FILIP1: variants seen among roughly 807,000 people sequenced by gnomAD.
The protein encoded by FILIP1 is filamin A interacting protein 1, also known as filamin-A-interacting protein 1.
Under a neutral mutation model 102.1 loss-of-function variants are expected in FILIP1, and 61 were observed. The observed-to-expected ratio is 0.60, with a 90% confidence interval of 0.49 to 0.74. The LOEUF is 0.74. FILIP1 is among the 30% of genes least tolerant of loss of function. The pLI is 0.00. For synonymous variants in FILIP1, 491 were observed against 526.9 expected (o/e 0.93, Z 0.93); for missense variants, 1,314 against 1,441.2 (o/e 0.91, Z 1.43).
intron 4 of FILIP1, chr6:75,319,208 C>T: frequency 1.3e-6 from 1 of 757,558 alleles, no homozygotes; most frequent in Non-Finnish European, 2.4e-6. Context: ...TCTTGTTTTT[C>T]CTTCAGCTTC....
chr6:75,486,439 CT>C (rs200477130), intron 1 of FILIP1, among the ~76,000 whole-genome samples: 2,515 of 152,276 alleles, frequency 0.017, 72 homozygotes, highest in African/African-American at 0.058. Context: ...TGTTAGCCTT[CT>C]GACCCTAAAT....
intron 2 of FILIP1, among the ~76,000 whole-genome samples, chr6:75,384,067 T>G (rs1170666517): frequency 6.6e-6 from 1 of 152,188 alleles, no homozygotes; most frequent in Non-Finnish European, 1.5e-5. Flanking sequence ...GTATTTCATT[T>G]TCAATAAATT....
intron 1 of FILIP1, among the ~76,000 whole-genome samples, chr6:75,485,040 C>T (rs752001415): frequency 6.6e-6 from 1 of 151,894 alleles, no homozygotes; most frequent in Non-Finnish European, 1.5e-5. Flanking sequence ...GAAGAGAACA[C>T]AAATACTCTT....
intron 1 of FILIP1, among the ~76,000 whole-genome samples, chr6:75,426,148 A>T (rs1429503998): frequency 6.6e-6 from 1 of 152,162 alleles, no homozygotes; most frequent in East Asian, 1.9e-4. Context: ...TATGTGACAG[A>T]AATGATGAGT....
At chr6:75,377,249 A>G (rs1775778131) in intron 2 of FILIP1, among the ~76,000 whole-genome samples, 1 of 152,206 alleles carries the variant, frequency 6.6e-6, no homozygotes. Flanking sequence ...TAGACCCTTG[A>G]AAAAAGGGTC....
intron 4 of FILIP1, among the ~76,000 whole-genome samples, chr6:75,353,091 G>T (rs1310056495): frequency 6.6e-6 from 1 of 151,400 alleles, no homozygotes; most frequent in Non-Finnish European, 1.5e-5. Context: ...AGTATTAGGA[G>T]ATATACCTAA....
intron 2 of FILIP1, among the ~76,000 whole-genome samples, chr6:75,393,138 A>T (rs1023375005): frequency 3.3e-5 from 5 of 152,214 alleles, no homozygotes; most frequent in African/African-American, 1.2e-4. Context: ...AGGGAAGTAA[A>T]TAAAGAACTG....
At chr6:75,464,076 C>A (rs1430266544) in intron 1 of FILIP1, among the ~76,000 whole-genome samples, 1 of 152,184 alleles carries the variant, frequency 6.6e-6, no homozygotes, top group Admixed American at 6.5e-5. Flanking sequence ...TTGGACTGTT[C>A]CATGTCTGTC....
chr6:75,342,575 C>A (rs1774449818), intron 4 of FILIP1, among the ~76,000 whole-genome samples: 1 of 152,224 alleles, frequency 6.6e-6, no homozygotes, highest in Non-Finnish European at 1.5e-5. Flanking sequence ...GTCAGGATCT[C>A]CTGAGTTCAT....
At position 75,326,110 on chromosome 6, in the gene FILIP1, G is replaced by GAT. The variant is rs1340001673; in HGVS notation, c.630-10909_630-10908insAT. On this transcript the variant is annotated intron_variant, in intron 4 of 5. Coordinates refer to ENST00000237172, the MANE Select transcript of FILIP1 (RefSeq NM_015687.5). The stretch of plus-strand genomic sequence containing the variant: ...GATAGATAGATTAGATAGATAGATA[G>GAT]AGAGATAGATAGATATACACACACA... Among the ~76,000 whole-genome samples the GAT allele has an allele frequency of 7.4e-3, 1,113 of 151,166 alleles. 8 individuals are homozygous for GAT. Among genetic ancestry groups the GAT allele is most frequent in the African/African-American group, 0.025 (1,029 of 41,108 alleles).
intron 1 of FILIP1, among the ~76,000 whole-genome samples, chr6:75,462,166 A>G (rs1779041644): frequency 1.3e-5 from 2 of 152,164 alleles, no homozygotes; most frequent in Non-Finnish European, 1.5e-5. Flanking sequence ...CTTTCTAAGT[A>G]TCTCATCTCT....
chr6:75,312,477 G>A lies in FILIP1; in HGVS notation c.3355C>T (p.Arg1119Trp), dbSNP rs200365491. 274 of 1,614,164 alleles carry A rather than the reference G, an allele frequency of 1.7e-4. 1 individual carries two copies. In the South Asian group the frequency reaches 1.9e-3, roughly 11 times the overall value. ...LRSPRNHLSS[R>W]PGASKVTSTI... ...CTCGTCACTTTGCTTGCACCAGGCC[G>A]TGAGGAGAGGTGATTCCTGGGAGAG... is the stretch of plus-strand genomic sequence containing the variant. The change falls in exon 5 of 6, where the codon CGG (arginine) becomes TGG (tryptophan). Residue 1119 changes from arginine (R) to tryptophan (W), a missense_variant. Transcript: ENST00000237172.
intron 4 of FILIP1, among the ~76,000 whole-genome samples, chr6:75,330,271 G>C (rs1395013091): frequency 2.6e-5 from 4 of 152,156 alleles, no homozygotes; most frequent in African/African-American, 9.7e-5. Flanking sequence ...TGATTTCTGA[G>C]TGCCAGAGAA....
chr6:75,414,775 T>C lies in FILIP1; in HGVS notation c.198A>G (p.Glu66=), dbSNP rs1260753335. 6.2e-7 allele frequency: 1 copy of C among 1,613,934 alleles called. No individual in the cohort carries two copies. The highest frequency in any genetic ancestry group is 1.3e-5 in the African/African-American group (1 of 75,032). ...ACTCCAGGGATTTCTTAGTTTTTCG[T>C]TCACATTCTCCAGATGTTTTTAGGT... The part of the protein sequence containing the change: ...KRHLKTSGEC[E]RKTKKSLELS... The change falls in exon 2 of 6, where the codon GAA becomes GAG. Residue 66 remains glutamate (E), a synonymous_variant. Coordinates refer to ENST00000237172, the MANE Select transcript of FILIP1 (RefSeq NM_015687.5).
rs2149547810 is a variant in FILIP1 at position 75,313,075 on chromosome 6, C to T, written c.2757G>A (p.Glu919=). 1 of 1,614,184 alleles carries T rather than the reference C, an allele frequency of 6.2e-7. No homozygotes were observed. Among genetic ancestry groups the T allele is most frequent in the Middle Eastern group, 1.7e-4 (1 of 6,060 alleles). Residue 919 remains glutamate, a synonymous_variant, in exon 5 of 6, where the codon GAG becomes GAA. Coordinates refer to ENST00000237172, the MANE Select transcript of FILIP1 (RefSeq NM_015687.5). This position sits in a 1 kb window ranked among gnomAD's most constrained non-coding sequence, Gnocchi z 4.2. ...PLHIRVTPDH[E]NSTATLEITS... is the part of the protein sequence containing the mutation. ...TTATCTCCAAAGTCGCAGTGCTGTT[C>T]TCGTGGTCTGGTGTCACTCGAATAT...
In FILIP1 at chr6:75,404,488, G is replaced by A. The variant is rs567873845; in HGVS notation, c.276+10209C>T. On this transcript the variant is annotated intron_variant, in intron 2 of 5. Transcript: ENST00000237172. Reference sequence around the variant, plus strand: ...ATAAAATATGTATCCTCCTTTACACGCAGGCTTCTAAACAGACTGCTGCCA... The same window carrying A: ...ATAAAATATGTATCCTCCTTTACACACAGGCTTCTAAACAGACTGCTGCCA... Among the ~76,000 whole-genome samples, 48 of 152,120 alleles carry A rather than the reference G, an allele frequency of 3.2e-4. 2 individuals carry two copies. Among genetic ancestry groups the A allele is most frequent in the Admixed American group, 2.0e-3 (31 of 15,274 alleles).
intron 1 of FILIP1, among the ~76,000 whole-genome samples, chr6:75,480,375 C>T (rs771873770): frequency 3.4e-5 from 5 of 147,236 alleles, no homozygotes; most frequent in Non-Finnish European, 6.0e-5. Flanking sequence ...CTGATACCAC[C>T]GCCTAAGTGT....
chr6:75,397,537 GACACACACACACAC>G (rs59797690), intron 2 of FILIP1, among the ~76,000 whole-genome samples: 8,593 of 139,042 alleles, frequency 0.062, 331 homozygotes, highest in Non-Finnish European at 0.079. Flanking sequence ...ACACATATAA[GACACACACACACAC>G]ACACACACAC....
intron 4 of FILIP1, among the ~76,000 whole-genome samples, chr6:75,329,419 G>A (rs768821347): frequency 3.3e-5 from 5 of 152,028 alleles, no homozygotes; most frequent in African/African-American, 7.2e-5. Flanking sequence ...TTAATCCATC[G>A]GACCCCGTTT....
Sources: allele counts gnomAD v4.1 joint callset (sites outside exome capture counted in the v4.1 genomes callset), GRCh38; gene constraint gnomAD v4.1.1; non-coding constraint Gnocchi (gnomAD v3.1); transcripts MANE v1.5; gene names NCBI Gene and HGNC (gene_info 2026-07-23, HGNC 2026-07-21).